Variants in VSTM1 observed in about 807,000 individuals in gnomAD.
The protein encoded by VSTM1 is V-set and transmembrane domain containing 1.
VSTM1 carries 27 observed loss-of-function variants against 33.1 expected under a neutral mutation model. That is an observed-to-expected ratio of 0.82 (90% CI 0.60 to 1.12). The LOEUF (loss-of-function observed/expected upper bound fraction) is 1.12, where lower values mean the gene tolerates loss of function less well. VSTM1 is among the 50% of genes most tolerant of loss of function. The pLI, the probability that VSTM1 is intolerant of heterozygous loss-of-function variation, is 0.00. For missense variants in VSTM1, 304 were observed against 288.9 expected (o/e 1.05, Z -0.38); for synonymous variants, 115 against 110.3 (o/e 1.04, Z -0.27).
intron 8 of VSTM1, 144 bp downstream of exon 8, chr19:54,041,635 C>A: frequency 1.1e-6 from 1 of 931,278 alleles, no homozygotes; most frequent in East Asian, 2.6e-5. Context: ...ATTTTGGTTC[C>A]CATTAGGGGA....
rs1239654860 is a variant in VSTM1 at position 54,063,726 on chromosome 19, C to T, written c.34+18G>A. ...TCTCACCAGCCCAAGCCCATTCGTC[C>T]CAGTCCTGGAGACTCACCGAGGCAA... On this transcript the variant is annotated intron_variant, in intron 1 of 8. Coordinates refer to ENST00000338372, the MANE Select transcript of VSTM1 (RefSeq NM_198481.4). 1.2e-6 allele frequency: 2 copies of T among 1,613,566 alleles called. No individual in the cohort carries two copies. Among genetic ancestry groups the T allele is most frequent in the South Asian group, 1.1e-5 (1 of 90,960 alleles).
rs544419781 is a variant in VSTM1 at position 54,046,253 on chromosome 19, C to A, written c.395-3884G>T. ...TCCCTGAAATAAGGTTCTTTCTGAG[C>A]TGATCATCAGGGAGCAGCAAAAGGA... On this transcript the variant is annotated intron_variant, in intron 4 of 8. Coordinates refer to ENST00000338372, the MANE Select transcript of VSTM1 (RefSeq NM_198481.4). Among the ~76,000 whole-genome samples the A allele has an allele frequency of 6.6e-5, 10 of 152,250 alleles. No homozygotes were observed. In the South Asian group the frequency reaches 2.1e-3, roughly 32 times the overall value.
rs1319923576 is a variant in VSTM1, at chr19:54,058,571, G to A, written c.90C>T (p.Ser30=). The A allele has an allele frequency of 2.5e-6, 4 of 1,613,742 alleles. No homozygotes were observed. The highest frequency in any genetic ancestry group is 1.3e-5 in the African/African-American group (1 of 74,886). ...EKKNEKPPKP[S]LHAWPSSVVE... ...CCACCGAGCTGGGCCAGGCGTGGAG[G>A]GAGGGCTTGGGCGGTTTCTCTGGAA... The change falls in exon 3 of 9, where the codon TCC becomes TCT. Residue 30 remains serine, a synonymous_variant. Transcript: ENST00000338372.
chr19:54,042,244 C>G, intron 5 of VSTM1, 33 bp downstream of exon 5: 2 of 1,613,986 alleles, frequency 1.2e-6, no homozygotes, highest in Non-Finnish European at 1.7e-6. Flanking sequence ...ATCCTTCACT[C>G]CCCCTCTCTC....
intron 1 of VSTM1, among the ~76,000 whole-genome samples, chr19:54,060,793 T>G (rs990445355): frequency 6.6e-6 from 1 of 151,546 alleles, no homozygotes; most frequent in Non-Finnish European, 1.5e-5. Context: ...TGGGCTCAAG[T>G]GATCCATCCA....
chr19:54,047,271 G>A (rs1264973803), intron 4 of VSTM1, among the ~76,000 whole-genome samples: 1 of 151,852 alleles, frequency 6.6e-6, no homozygotes, highest in African/African-American at 2.4e-5. Context: ...TTCTGGTGGA[G>A]CTGAATCAGA....
At chr19:54,041,533 C>T (rs2070266592) in intron 8 of VSTM1, among the ~76,000 whole-genome samples, 1 of 152,092 alleles carries the variant, frequency 6.6e-6, no homozygotes, top group African/African-American at 2.4e-5. Context: ...GATCTCCTGA[C>T]CTCATGATCC....
chr19:54,058,632 G>T, intron 2 of VSTM1, 42 bp from the exon 3 acceptor site: 2 of 1,613,416 alleles, frequency 1.2e-6, no homozygotes, highest in Non-Finnish European at 1.7e-6. Flanking sequence ...GAATTCAGAC[G>T]ATTAAAGGAA....
intron 3 of VSTM1, 76 bp downstream of exon 3, chr19:54,058,230 A>T: frequency 3.1e-5 from 42 of 1,338,222 alleles, no homozygotes; most frequent in Non-Finnish European, 4.3e-5. Context: ...ACACAGCAAG[A>T]CTCTGTCTTA....
intron 4 of VSTM1, among the ~76,000 whole-genome samples, chr19:54,051,186 GGA>G (rs1568465264): frequency 6.6e-6 from 1 of 152,124 alleles, no homozygotes; most frequent in Non-Finnish European, 1.5e-5. Context: ...CAGCTATTCG[GGA>G]GGCTGAGGCA....
intron 1 of VSTM1, among the ~76,000 whole-genome samples, chr19:54,059,861 T>C (rs1260280446): frequency 1.2e-4 from 18 of 145,274 alleles, no homozygotes; most frequent in African/African-American, 4.6e-4. Context: ...TTTTTTTTAT[T>C]TTTCGAGATG....
chr19:54,049,662 A>C (rs879966073), intron 4 of VSTM1, among the ~76,000 whole-genome samples: 2 of 152,188 alleles, frequency 1.3e-5, no homozygotes, highest in Non-Finnish European at 2.9e-5. Context: ...TATCTTTCTC[A>C]GAAAACGTTC....
In VSTM1 at chr19:54,040,944, C is replaced by G; in HGVS notation, c.*17G>C. 1.9e-6 allele frequency: 3 copies of G among 1,605,496 alleles called. No homozygotes were observed. The highest frequency in any genetic ancestry group is 1.1e-5 in the South Asian group (1 of 90,300). On this transcript the variant is annotated 3_prime_UTR_variant, in exon 9 of 9. Coordinates refer to ENST00000338372, the MANE Select transcript of VSTM1 (RefSeq NM_198481.4). ...AGCACGATCCCCCCTCCTTTAGTGGCCAGGGCTGTCTTCTTGCTACACTTT... is the reference window on the plus strand; with the variant it reads ...AGCACGATCCCCCCTCCTTTAGTGGGCAGGGCTGTCTTCTTGCTACACTTT...
chr19:54,050,965 C>T (rs543826088), intron 4 of VSTM1, among the ~76,000 whole-genome samples: 1 of 150,410 alleles, frequency 6.6e-6, no homozygotes, highest in East Asian at 2.0e-4. Flanking sequence ...TGCCACTTCA[C>T]GCCACCCTGG....
intron 1 of VSTM1, 22 bp downstream of exon 1, chr19:54,063,722 C>G (rs529901144): frequency 1.9e-6 from 3 of 1,613,322 alleles, no homozygotes; most frequent in Non-Finnish European, 2.5e-6. Context: ...CAAGCCCATT[C>G]GTCCCAGTCC....
rs1210551181 is a variant in VSTM1 at position 54,057,282 on chromosome 19, G to A, written c.355+1024C>T. ...GCCTGTAATCCCAGCACTTTGGGAG[G>A]CCAAGGCAGGAGGATCACCTGAGCT... On this transcript the variant is annotated intron_variant, in intron 3 of 8. Coordinates refer to ENST00000338372, the MANE Select transcript of VSTM1 (RefSeq NM_198481.4). Among the ~76,000 whole-genome samples, 2 of 140,892 alleles carry A rather than the reference G, an allele frequency of 1.4e-5. 1 individual carries two copies. The highest frequency in any genetic ancestry group is 3.1e-5 in the Non-Finnish European group (2 of 63,954). 92.4% of individuals were successfully genotyped at this position (140,892 alleles called of 152,430 possible).
At chr19:54,050,641 C>G (rs542043692) in intron 4 of VSTM1, among the ~76,000 whole-genome samples, 47 of 152,104 alleles carry the variant, frequency 3.1e-4, no homozygotes, top group Non-Finnish European at 5.1e-4. Context: ...CCTCCACCCC[C>G]CAAAACACAG....
At chr19:54,051,991 C>T (rs1279951411) in intron 3 of VSTM1, among the ~76,000 whole-genome samples, 2 of 151,988 alleles carry the variant, frequency 1.3e-5, no homozygotes, top group East Asian at 1.9e-4. Context: ...AAACTCCTGG[C>T]CTCAAGTGAT....
rs1451338836 is a variant in VSTM1, at chr19:54,058,823, T to TGA, written c.35-93_35-92dup. 53 of 783,680 alleles carry TGA rather than the reference T, an allele frequency of 6.8e-5. No homozygotes were observed. In the East Asian group the frequency reaches 1.2e-3, roughly 18 times the overall value. 48.5% of individuals were successfully genotyped at this position (783,680 alleles called of 1,614,324 possible). A position where few individuals can be genotyped will look rare whatever the true frequency, so the allele number is the denominator to read the frequency against. Reference sequence around the variant, plus strand: ...ACGTATGACTAGCTCTTTATAGGTCTGAGATATATATATATATATAATGTA... The same window carrying TGA: ...ACGTATGACTAGCTCTTTATAGGTCTGAGAGATATATATATATATATAATGTA... On this transcript the variant is annotated intron_variant, in intron 1 of 8. Transcript: ENST00000338372.
Sources: gnomAD v4.1 joint callset for allele counts (sites outside exome capture counted in the v4.1 genomes callset) on GRCh38, gnomAD v4.1.1 for gene constraint, MANE v1.5 for transcripts, NCBI Gene and HGNC (gene_info 2026-07-23, HGNC 2026-07-21) for gene names.